PKHD1L1: variants seen among roughly 807,000 people sequenced by gnomAD.
PKHD1L1 encodes the protein PKHD1 like 1.
In PKHD1L1, 434 loss-of-function variants were observed where a neutral mutation model predicts 462.9. The ratio of observed to expected loss-of-function variants is 0.94; its 90% CI spans 0.87 to 1.02. The LOEUF is 1.02. PKHD1L1 is among the 50% of genes least tolerant of loss of function. PKHD1L1 has a pLI of 0.00. For missense variants in PKHD1L1, 5,202 were observed against 5,096.1 expected (o/e 1.02, Z -0.63); for synonymous variants, 1,781 against 1,750.0 (o/e 1.02, Z -0.44).
rs1187691353 is a variant in PKHD1L1, at chr8:109,438,962, T to C, written c.3826T>C (p.Tyr1276His). The part of the protein sequence containing the change: ...GNELTQNMAV[Y>H]VGGKTCQILH... Reference sequence around the variant, plus strand: ...TGAACTCACACAAAACATGGCGGTGTATGTTGGAGGAAAAACCTGCCAGAT... The same window carrying C: ...TGAACTCACACAAAACATGGCGGTGCATGTTGGAGGAAAAACCTGCCAGAT... Residue 1276 changes from tyrosine to histidine, a missense_variant, in exon 32 of 78, where the codon TAT becomes CAT. Physicochemically the swap from Tyr to His is moderately conservative, Grantham distance 83 (BLOSUM62 2). This residue lies in a region of PKHD1L1 where 4,497 missense variants were observed against 4,336.8 expected (regional missense o/e 1.04). Transcript: ENST00000378402. 5 of 1,613,348 alleles carry C rather than the reference T, an allele frequency of 3.1e-6. No individual in the cohort carries two copies. Among genetic ancestry groups the C allele is most frequent in the Non-Finnish European group, 4.2e-6 (5 of 1,179,400 alleles).
chr8:109,382,592 C>T (rs973772578), intron 4 of PKHD1L1, 21 bp downstream of exon 4: 2 of 1,581,872 alleles, frequency 1.3e-6, no homozygotes, highest in Non-Finnish European at 1.7e-6. Flanking sequence ...ATCTTCTCTT[C>T]AGTTTATGTA....
chr8:109,421,558 G>C (rs1012257412), intron 23 of PKHD1L1, among the ~76,000 whole-genome samples: 1 of 152,018 alleles, frequency 6.6e-6, no homozygotes, highest in African/African-American at 2.4e-5. Flanking sequence ...CGAGACGGGC[G>C]GATCATGAGG....
intron 27 of PKHD1L1, among the ~76,000 whole-genome samples, chr8:109,430,718 T>C (rs1699900925): frequency 1.3e-5 from 2 of 152,134 alleles, no homozygotes; most frequent in Admixed American, 6.5e-5. Flanking sequence ...TGGTGGATAG[T>C]AGGAAAATTC....
intron 68 of PKHD1L1, among the ~76,000 whole-genome samples, chr8:109,505,262 C>A (rs1673417): frequency 0.39 from 59,080 of 151,458 alleles, 11,665 homozygotes; most frequent in South Asian, 0.57. Flanking sequence ...ATTTTTCTTA[C>A]CCTTTTTGGT....
rs17375750 is a variant in PKHD1L1, at chr8:109,486,834, T to G, written c.9880+13T>G. 319,519 of 1,605,938 alleles carry G rather than the reference T, an allele frequency of 0.2. 35,794 individuals carry two copies. The highest frequency in any genetic ancestry group is 0.38 in the South Asian group (34,209 of 90,466). On this transcript the variant is annotated intron_variant, in intron 59 of 77. Transcript: ENST00000378402. ...ATGACATTTAAAGGTTGGTATCAATTCAGTTTATTTTTCTAAATGAGCTAT... is the reference window on the plus strand; with the variant it reads ...ATGACATTTAAAGGTTGGTATCAATGCAGTTTATTTTTCTAAATGAGCTAT...
chr8:109,422,753 T>C (rs1324921681), intron 23 of PKHD1L1, among the ~76,000 whole-genome samples: 1 of 152,124 alleles, frequency 6.6e-6, no homozygotes, highest in Non-Finnish European at 1.5e-5. Context: ...AATTATAGGG[T>C]TGTATGGTAA....
chr8:109,513,271 T>A (rs922981075), intron 71 of PKHD1L1, among the ~76,000 whole-genome samples: 8 of 152,090 alleles, frequency 5.3e-5, no homozygotes, highest in African/African-American at 1.9e-4. Context: ...CCCTGTCTTG[T>A]GCCAGTTTTC....
At chr8:109,513,434 C>T (rs1381005318) in intron 71 of PKHD1L1, among the ~76,000 whole-genome samples, 2 of 152,082 alleles carry the variant, frequency 1.3e-5, no homozygotes, top group Admixed American at 1.3e-4. Flanking sequence ...TCAGAGACTG[C>T]AGCATGTTAT....
chr8:109,509,177 C>G (rs1226943951), intron 70 of PKHD1L1, among the ~76,000 whole-genome samples: 2 of 152,066 alleles, frequency 1.3e-5, no homozygotes, highest in Non-Finnish European at 2.9e-5. Flanking sequence ...CTCCTCACTT[C>G]TCCCACCCCA....
In PKHD1L1 at chr8:109,448,329, C is replaced by A. The variant is rs906502880; in HGVS notation, c.5963C>A (p.Ser1988Ter). 1 of 1,613,522 alleles carries A rather than the reference C, an allele frequency of 6.2e-7. No homozygotes were observed. Residue 1988 changes from serine to a stop codon, truncating the protein, a stop_gained, in exon 39 of 78, where the codon TCA becomes TAA. Transcript: ENST00000378402. LOFTEE classifies it high-confidence loss of function. ...PVMMHHKTKGSAMSTVVFEYP... is the reference protein window; with the variant it reads ...PVMMHHKTKG ...ATGATGCATCATAAGACAAAAGGCT[C>A]AGCCATGTCCACAGTTGTATTTGAG...
intron 35 of PKHD1L1, 33 bp downstream of exon 35, chr8:109,442,228 T>C (rs2130743793): frequency 6.4e-7 from 1 of 1,558,726 alleles, no homozygotes; most frequent in Non-Finnish European, 8.7e-7. Flanking sequence ...TTGCATCATG[T>C]CACTTTTTCC....
chr8:109,502,377 T>G (rs1279755237), intron 67 of PKHD1L1, among the ~76,000 whole-genome samples: 2 of 152,130 alleles, frequency 1.3e-5, no homozygotes, highest in Non-Finnish European at 2.9e-5. Flanking sequence ...TTGAGGTCCC[T>G]GATGATTTCA....
intron 21 of PKHD1L1, among the ~76,000 whole-genome samples, chr8:109,416,203 C>A (rs1295921161): frequency 6.6e-6 from 1 of 152,096 alleles, no homozygotes; most frequent in African/African-American, 2.4e-5. Context: ...TCATATATTC[C>A]TTAGGTTCTT....
rs1220903391 is a variant in PKHD1L1, at chr8:109,404,607, T to A, written c.1427T>A (p.Val476Asp). ...QEYRLSAFVDVGLYQYRNVYT... is the reference protein window; with the variant it reads ...QEYRLSAFVDDGLYQYRNVYT... ...TACAGATTAAGTGCATTTGTTGATG[T>A]TGGACTGTACCAGTATCGAAATGTT... is the stretch of plus-strand genomic sequence containing the variant. Residue 476 changes from valine (V) to aspartate (D), a missense_variant, in exon 15 of 78, where the codon GTT (valine) becomes GAT (aspartate). Val to Asp is a radical substitution (Grantham distance 152). Around this residue, in one of 3 missense-constraint regions of PKHD1L1, gnomAD observed 4,497 missense variants for 4,336.8 expected, o/e 1.04. Coordinates refer to ENST00000378402, the MANE Select transcript of PKHD1L1 (RefSeq NM_177531.6). 1 of 1,604,286 alleles carries A rather than the reference T, an allele frequency of 6.2e-7. No homozygotes were observed. The highest frequency in any genetic ancestry group is 1.1e-5 in the South Asian group (1 of 89,864).
In PKHD1L1 at chr8:109,443,094, C is replaced by T. The variant is rs980593263; in HGVS notation, c.4542C>T (p.Arg1514=). Residue 1514 remains arginine, a synonymous_variant, in exon 36 of 78, where the codon CGC becomes CGT. Coordinates refer to ENST00000378402, the MANE Select transcript of PKHD1L1 (RefSeq NM_177531.6). ...TTCCCTTGCACCTGTTTGTGGGTCG[C>T]TCTGAAGCCACATATGCTTATGGTA... The part of the protein sequence containing the change: ...RHIPLHLFVG[R]SEATYAYGGP... 1.9e-6 allele frequency: 3 copies of T among 1,613,398 alleles called. No individual in the cohort carries two copies. The highest frequency in any genetic ancestry group is 2.5e-6 in the Non-Finnish European group (3 of 1,179,522).
intron 40 of PKHD1L1, among the ~76,000 whole-genome samples, chr8:109,450,513 A>G (rs565432646): frequency 1.3e-5 from 2 of 152,210 alleles, no homozygotes; most frequent in East Asian, 1.9e-4. Context: ...GAGACTTGTC[A>G]AGGTTTTAGG....
chr8:109,427,209 T>C lies in PKHD1L1; in HGVS notation c.3000+53T>C, dbSNP rs1335228181. The C allele has an allele frequency of 3.0e-5, 41 of 1,366,550 alleles. No homozygotes were observed. In the Admixed American group the frequency reaches 7.5e-4, roughly 25 times the overall value. 84.7% of individuals were successfully genotyped at this position (1,366,550 alleles called of 1,614,324 possible). A position where few individuals can be genotyped will look rare whatever the true frequency, so the allele number is the denominator to read the frequency against. On this transcript the variant is annotated intron_variant, in intron 25 of 77. Transcript: ENST00000378402. ...TTCTTCTATGTGCTGTTTGCTTATT[T>C]GGACCCTGCCTTATTCCAAAAAGAA...
chr8:109,452,944 A>G, intron 43 of PKHD1L1, 70 bp downstream of exon 43: 2 of 1,208,602 alleles, frequency 1.7e-6, no homozygotes, highest in Non-Finnish European at 2.1e-6. Context: ...TTTAATCAAA[A>G]TCCACAATTA....
chr8:109,455,313 G>A (rs564017857), intron 45 of PKHD1L1, among the ~76,000 whole-genome samples: 1 of 152,260 alleles, frequency 6.6e-6, no homozygotes, highest in African/African-American at 2.4e-5. Flanking sequence ...GCTCTAGGCT[G>A]GGCAATAGAG....
Sources: gnomAD v4.1 joint callset for allele counts (sites outside exome capture counted in the v4.1 genomes callset) on GRCh38, gnomAD v4.1.1 for gene constraint, gnomAD v4.1.1 regional missense constraint, MANE v1.5 for transcripts, NCBI Gene and HGNC (gene_info 2026-07-23, HGNC 2026-07-21) for gene names.